TEAD1: variants seen among roughly 807,000 people sequenced by gnomAD.
TEAD1 encodes TEA domain transcription factor 1, also known as transcriptional enhancer factor TEF-1.
Under a neutral mutation model 54.9 loss-of-function variants are expected in TEAD1, and 9 were observed. That is an observed-to-expected ratio of 0.16 (90% confidence interval 0.10 to 0.29). The LOEUF (loss-of-function observed/expected upper bound fraction) is 0.29, where lower values mean the gene tolerates loss of function less well. Among genes scored for constraint, TEAD1 ranks in the 10% least tolerant of loss-of-function variants. The pLI, the probability that TEAD1 is intolerant of heterozygous loss-of-function variation, is 1.00. For synonymous variants in TEAD1, 200 were observed against 187.8 expected, an observed-to-expected ratio of 1.07 and a Z score of -0.53; for missense variants, 387 against 535.9, an observed-to-expected ratio of 0.72 and a Z score of 2.74.
chr11:12,760,053 C>T (rs1023154412), intron 2 of TEAD1, among the ~76,000 whole-genome samples: 1 of 152,194 alleles, frequency 6.6e-6, no homozygotes, highest in Non-Finnish European at 1.5e-5. Context: ...ATTTTCTATG[C>T]AGTCATTTGA....
At chr11:12,814,242 G>A (rs1946367398) in intron 3 of TEAD1, among the ~76,000 whole-genome samples, 1 of 152,196 alleles carries the variant, frequency 6.6e-6, no homozygotes, top group Non-Finnish European at 1.5e-5. Flanking sequence ...TGGACGCCCG[G>A]GGAGTTCAAG....
chr11:12,719,393 G>C (rs1327223188), intron 2 of TEAD1, among the ~76,000 whole-genome samples: 2 of 152,100 alleles, frequency 1.3e-5, no homozygotes, highest in African/African-American at 4.8e-5. Flanking sequence ...TGTCCCATGA[G>C]CTTCCTGAGA....
At chr11:12,826,559 A>C (rs1946660382) in intron 3 of TEAD1, among the ~76,000 whole-genome samples, 2 of 152,196 alleles carry the variant, frequency 1.3e-5, no homozygotes, top group South Asian at 4.1e-4. Context: ...ATAAATTAGC[A>C]TGGGATTTGA....
intron 9 of TEAD1, among the ~76,000 whole-genome samples, chr11:12,894,061 G>C (rs1948256493): frequency 6.6e-6 from 1 of 152,180 alleles, no homozygotes; most frequent in African/African-American, 2.4e-5. Context: ...AGTAAATGTA[G>C]GTGATTTGTC....
chr11:12,788,295 C>A (rs1444390565), intron 3 of TEAD1, among the ~76,000 whole-genome samples: 2 of 152,000 alleles, frequency 1.3e-5, no homozygotes, highest in Non-Finnish European at 2.9e-5. Context: ...CCGTGCCCAG[C>A]CTAATTTTGT....
At chr11:12,839,396 G>C (rs1946977565) in intron 3 of TEAD1, among the ~76,000 whole-genome samples, 1 of 152,138 alleles carries the variant, frequency 6.6e-6, no homozygotes, top group Non-Finnish European at 1.5e-5. Flanking sequence ...CGGTGACAGA[G>C]TGAGATTCTG....
intron 2 of TEAD1, among the ~76,000 whole-genome samples, chr11:12,732,139 T>G (rs1287917161): frequency 6.6e-6 from 1 of 152,158 alleles, no homozygotes; most frequent in African/African-American, 2.4e-5. Flanking sequence ...AATTTCGACC[T>G]TATTAAAGTC....
intron 3 of TEAD1, among the ~76,000 whole-genome samples, chr11:12,789,151 G>T (rs989581121): frequency 6.6e-6 from 1 of 152,134 alleles, no homozygotes; most frequent in Admixed American, 6.5e-5. Flanking sequence ...TGCACTTGAG[G>T]GTTAGATGTA....
At chr11:12,878,811 G>A in intron 5 of TEAD1, 2 of 767,356 alleles carry the variant, frequency 2.6e-6, no homozygotes, top group Middle Eastern at 3.3e-4. Flanking sequence ...ATATATATAT[G>A]TTTTTTTTTT....
intron 3 of TEAD1, among the ~76,000 whole-genome samples, chr11:12,768,550 A>G (rs1250087370): frequency 6.6e-6 from 1 of 152,264 alleles, no homozygotes; most frequent in Admixed American, 6.5e-5. Flanking sequence ...AATGGCTTGC[A>G]CATGGCCAAT....
chr11:12,718,178 G>A (rs1243585494), intron 2 of TEAD1, among the ~76,000 whole-genome samples: 3 of 152,154 alleles, frequency 2.0e-5, no homozygotes, highest in Admixed American at 6.5e-5. Flanking sequence ...GAACATCTGT[G>A]GGGACGTGCC....
Position 12,896,141 on chromosome 11 carries a change from T to G in TEAD1, c.700-5799T>G, listed in dbSNP as rs373757489. Among the ~76,000 whole-genome samples the G allele has an allele frequency of 1.7e-4, 26 of 152,352 alleles. No individual in the cohort carries two copies. The East Asian group carries it at 4.0e-3, about 24-fold the overall frequency. ...ATTTCCTTAATTGTAAAACGTTTTT[T>G]TCTGGGGTGTATGGTTGTCTTCTTA... is the stretch of plus-strand genomic sequence containing the variant. On this transcript the variant is annotated intron_variant, in intron 9 of 12. Coordinates refer to ENST00000527636, the MANE Select transcript of TEAD1 (RefSeq NM_021961.6).
intron 10 of TEAD1, among the ~76,000 whole-genome samples, chr11:12,917,806 T>C (rs183771838): frequency 2.4e-4 from 37 of 152,330 alleles, no homozygotes; most frequent in Admixed American, 2.4e-3. Context: ...AAGGACTCAT[T>C]TCCCTGGACT....
intron 3 of TEAD1, among the ~76,000 whole-genome samples, chr11:12,831,805 C>T (rs1380139525): frequency 2.0e-5 from 3 of 151,732 alleles, no homozygotes; most frequent in African/African-American, 4.8e-5. Context: ...AATGTAGAGT[C>T]TCAGTTTGCC....
chr11:12,802,443 A>T (rs1484454893), intron 3 of TEAD1, among the ~76,000 whole-genome samples: 6 of 152,178 alleles, frequency 3.9e-5, no homozygotes, highest in African/African-American at 1.4e-4. Context: ...TTGAACTTAA[A>T]GCCCATAAAG....
chr11:12,847,640 A>G lies in TEAD1; in HGVS notation c.203-14610A>G, dbSNP rs145463997. ...TGCCCATGTAACGTTTTAATTTTTT[A>G]CGGATAGAATGTGTTCATGTGTTAC... On this transcript the variant is annotated intron_variant, in intron 3 of 12. Transcript: ENST00000527636. Among the ~76,000 whole-genome samples the G allele has an allele frequency of 5.3e-5, 8 of 152,342 alleles. No individual in the cohort carries two copies. The East Asian group carries it at 1.5e-3, about 29-fold the overall frequency.
intron 2 of TEAD1, among the ~76,000 whole-genome samples, chr11:12,726,114 G>A (rs1485219699): frequency 6.6e-6 from 1 of 152,212 alleles, no homozygotes; most frequent in East Asian, 1.9e-4. Context: ...ACACGGCTGA[G>A]CAGGAATGAG....
At chr11:12,780,433 A>G (rs1013733358) in intron 3 of TEAD1, among the ~76,000 whole-genome samples, 10 of 151,886 alleles carry the variant, frequency 6.6e-5, no homozygotes, top group African/African-American at 2.4e-4. Flanking sequence ...TAGTAGAGAC[A>G]TGGTTTCACC....
At chr11:12,852,248 G>T (rs1174543381) in intron 3 of TEAD1, among the ~76,000 whole-genome samples, 2 of 143,616 alleles carry the variant, frequency 1.4e-5, no homozygotes, top group African/African-American at 5.0e-5. Context: ...AGACTAAGGA[G>T]TTTGTGTTTT....
Sources: allele counts gnomAD v4.1 joint callset (sites outside exome capture counted in the v4.1 genomes callset), GRCh38; gene constraint gnomAD v4.1.1; transcripts MANE v1.5; gene names NCBI Gene and HGNC (gene_info 2026-07-23, HGNC 2026-07-21).